Variants in MEGF11 observed in about 807,000 individuals in gnomAD.
The protein encoded by MEGF11 is multiple EGF like domains 11, also known as multiple epidermal growth factor-like domains protein 11.
MEGF11 carries 126 observed loss-of-function variants against 146.6 expected under a neutral mutation model. The observed-to-expected ratio is 0.86, with a 90% CI of 0.74 to 1.00. The LOEUF is 1.00. Among genes scored for constraint, MEGF11 ranks in the 50% least tolerant of loss-of-function variants. MEGF11 has a pLI of 0.00. For missense variants in MEGF11, 1,509 were observed against 1,521.2 expected, an observed-to-expected ratio of 0.99 and a Z score of 0.13; for synonymous variants, 532 against 583.4, an observed-to-expected ratio of 0.91 and a Z score of 1.27.
At chr15:66,074,423 A>G (rs1282843366) in intron 5 of MEGF11, among the ~76,000 whole-genome samples, 1 of 152,234 alleles carries the variant, frequency 6.6e-6, no homozygotes, top group Non-Finnish European at 1.5e-5. Context: ...TTCCCTCTTG[A>G]GGGACCTGTA....
intron 5 of MEGF11, among the ~76,000 whole-genome samples, chr15:66,004,354 T>A (rs2082456812): frequency 6.6e-6 from 1 of 151,562 alleles, no homozygotes; most frequent in South Asian, 2.1e-4. Flanking sequence ...ACATGACCCC[T>A]GGGGAGAAAG....
At chr15:66,251,747 C>T (rs1359211602) in intron 1 of MEGF11, among the ~76,000 whole-genome samples, 2 of 152,224 alleles carry the variant, frequency 1.3e-5, no homozygotes, top group Non-Finnish European at 2.9e-5. Flanking sequence ...ACTCTTCCTC[C>T]CGTATAGCAG....
intron 1 of MEGF11, among the ~76,000 whole-genome samples, chr15:66,215,102 GCTCT>G (rs978178295): frequency 3.9e-5 from 6 of 152,098 alleles, no homozygotes; most frequent in African/African-American, 1.4e-4. Flanking sequence ...ACTCATACGC[GCTCT>G]CTGCAGCCCT....
chr15:66,239,980 C>G (rs1467684020), intron 1 of MEGF11, among the ~76,000 whole-genome samples: 1 of 152,238 alleles, frequency 6.6e-6, no homozygotes, highest in African/African-American at 2.4e-5. Context: ...GGAGCCATCC[C>G]TCATGACTAA....
intron 5 of MEGF11, among the ~76,000 whole-genome samples, chr15:66,012,479 G>C (rs936710799): frequency 1.3e-5 from 2 of 152,152 alleles, no homozygotes; most frequent in Non-Finnish European, 2.9e-5. Flanking sequence ...CCCATGCAAT[G>C]TCAAAGCAGC....
At chr15:66,074,285 C>T (rs2085487909) in intron 5 of MEGF11, among the ~76,000 whole-genome samples, 1 of 152,350 alleles carries the variant, frequency 6.6e-6, no homozygotes, top group Admixed American at 6.5e-5. Flanking sequence ...ATGAAGCCCT[C>T]TGCAACTTGC....
chr15:65,994,156 G>A (rs1010145416), intron 5 of MEGF11, among the ~76,000 whole-genome samples: 11 of 152,208 alleles, frequency 7.2e-5, no homozygotes, highest in Admixed American at 5.9e-4. Context: ...GCCTTTAAAC[G>A]TCTGTGTTTA....
chr15:65,896,984 GAACTTGA>G lies in MEGF11; in HGVS notation c.*943_*949del. ...CTACGTCAATCTCAAGATTTATGAA[GAACTTGA>G]AAGCAAGTACTCTTGAGTCAAGGGA... On this transcript the variant is annotated 3_prime_UTR_variant, in exon 26 of 26. Transcript: ENST00000395614. 6.6e-6 allele frequency: 1 copy of G among 152,286 alleles called. No individual in the cohort carries two copies. Among genetic ancestry groups the G allele is most frequent in the East Asian group, 1.9e-4 (1 of 5,186 alleles). The allele number at this position is 152,286 out of a possible 1,614,324, so 9.4% of individuals were successfully genotyped here.
intron 1 of MEGF11, among the ~76,000 whole-genome samples, chr15:66,242,489 G>T (rs960853884): frequency 8.0e-6 from 1 of 124,594 alleles, no homozygotes; most frequent in African/African-American, 2.9e-5. Flanking sequence ...GAGGGAGGGA[G>T]ATAGGGAGGG....
At chr15:66,157,872 A>T (rs2089818386) in intron 1 of MEGF11, among the ~76,000 whole-genome samples, 1 of 152,072 alleles carries the variant, frequency 6.6e-6, no homozygotes, top group Non-Finnish European at 1.5e-5. Context: ...TTTTGTTGCA[A>T]AGTATTTTTT....
At chr15:66,148,761 G>A (rs958491659) in intron 1 of MEGF11, among the ~76,000 whole-genome samples, 1 of 152,170 alleles carries the variant, frequency 6.6e-6, no homozygotes, top group Non-Finnish European at 1.5e-5. Context: ...GGGTAGGTCT[G>A]GTGCGGGGTC....
chr15:65,955,692 C>T (rs1247314547), intron 10 of MEGF11, among the ~76,000 whole-genome samples: 2 of 126,482 alleles, frequency 1.6e-5, no homozygotes, highest in Non-Finnish European at 3.1e-5. Context: ...TGCAATGAGC[C>T]GAGATTGTGC....
At chr15:66,201,313 C>T (rs1465130925) in intron 1 of MEGF11, among the ~76,000 whole-genome samples, 1 of 152,146 alleles carries the variant, frequency 6.6e-6, no homozygotes, top group South Asian at 2.1e-4. Flanking sequence ...GGTCCTTCCT[C>T]CTCCTGCAGA....
intron 9 of MEGF11, among the ~76,000 whole-genome samples, chr15:65,959,495 G>A (rs1005574881): frequency 1.3e-5 from 2 of 152,194 alleles, no homozygotes; most frequent in African/African-American, 4.8e-5. Flanking sequence ...GCTTTAAAAT[G>A]CTGGTAAAGG....
Position 65,933,394 on chromosome 15 carries a change from C to G in MEGF11, c.1288-2451G>C, listed in dbSNP as rs542851871. ...CAGTGTCCTCATTAGTGTCCCAAACCCTGATCTCCCTGCAAGGCCTCAGGT... is the reference window on the plus strand; with the variant it reads ...CAGTGTCCTCATTAGTGTCCCAAACGCTGATCTCCCTGCAAGGCCTCAGGT... On this transcript the variant is annotated intron_variant, in intron 10 of 25. Transcript: ENST00000395614. Among the ~76,000 whole-genome samples the G allele has an allele frequency of 7.9e-5, 12 of 152,296 alleles. No homozygotes were observed. In the East Asian group the frequency reaches 2.1e-3, roughly 27 times the overall value.
chr15:66,226,104 C>G (rs1381792416), intron 1 of MEGF11, among the ~76,000 whole-genome samples: 3 of 152,318 alleles, frequency 2.0e-5, no homozygotes, highest in Middle Eastern at 3.4e-3. Flanking sequence ...CCCTCTTACT[C>G]CCTCCAGCCC....
intron 1 of MEGF11, among the ~76,000 whole-genome samples, chr15:66,169,092 T>C (rs1371566308): frequency 6.6e-6 from 1 of 152,266 alleles, no homozygotes; most frequent in Non-Finnish European, 1.5e-5. Flanking sequence ...GCTAGCATTT[T>C]ATTTCTGTTA....
chr15:65,916,475 A>C, intron 17 of MEGF11, 199 bp from the exon 18 acceptor site: 1 of 736,498 alleles, frequency 1.4e-6, no homozygotes, highest in East Asian at 2.7e-5. Flanking sequence ...CCTTTCCAAG[A>C]CAGAGGGGCC....
intron 10 of MEGF11, among the ~76,000 whole-genome samples, chr15:65,951,051 T>G (rs1360660337): frequency 6.6e-6 from 1 of 152,246 alleles, no homozygotes; most frequent in East Asian, 1.9e-4. Flanking sequence ...TGGTAGGCAT[T>G]GTAGGCTTGT....
Sources: allele counts gnomAD v4.1 joint callset (sites outside exome capture counted in the v4.1 genomes callset), GRCh38; gene constraint gnomAD v4.1.1; transcripts MANE v1.5; gene names NCBI Gene and HGNC (gene_info 2026-07-23, HGNC 2026-07-21).